MACROH2A1: variants seen among roughly 807,000 people sequenced by gnomAD.
MACROH2A1 encodes core histone macro-H2A.1.
MACROH2A1 carries 2 observed loss-of-function variants against 31.6 expected under a neutral mutation model. That is an observed-to-expected ratio of 0.06 (90% CI 0.03 to 0.20). MACROH2A1 has a LOEUF of 0.20. Among genes scored for constraint, MACROH2A1 ranks in the 10% least tolerant of loss-of-function variants. The pLI is 1.00. For missense variants in MACROH2A1, 230 were observed against 474.0 expected (o/e 0.49, Z 4.78); for synonymous variants, 169 against 189.6 (o/e 0.89, Z 0.89).
chr5:135,384,891 A>G (rs1766182196), intron 2 of MACROH2A1, among the ~76,000 whole-genome samples: 1 of 152,218 alleles, frequency 6.6e-6, no homozygotes, highest in Non-Finnish European at 1.5e-5. Flanking sequence ...CAACTCTGGC[A>G]CCAATGCCCA....
At chr5:135,387,208 G>C (rs1399597266) in intron 2 of MACROH2A1, among the ~76,000 whole-genome samples, 1 of 151,950 alleles carries the variant, frequency 6.6e-6, no homozygotes, top group Non-Finnish European at 1.5e-5. Context: ...CTAAGTTCTG[G>C]GCTTGTTTCC....
chr5:135,357,220 A>G (rs1048542143), intron 5 of MACROH2A1: 19 of 152,204 alleles, frequency 1.2e-4, no homozygotes, highest in Admixed American at 1.0e-3. Context: ...AGATAAGGAC[A>G]TGGATAGATA....
intron 1 of MACROH2A1, among the ~76,000 whole-genome samples, chr5:135,397,107 TAG>T (rs1244003293): frequency 6.6e-6 from 1 of 152,116 alleles, no homozygotes; most frequent in Non-Finnish European, 1.5e-5. Flanking sequence ...ACAACACATA[TAG>T]AGTCTTGTTG....
intron 8 of MACROH2A1, among the ~76,000 whole-genome samples, chr5:135,337,174 C>A (rs1438352319): frequency 6.6e-6 from 1 of 152,260 alleles, no homozygotes; most frequent in Non-Finnish European, 1.5e-5. Context: ...GGCTGAGGGC[C>A]TGTGGAGCTA....
rs1768306386 is a variant in MACROH2A1 at position 135,398,320 on chromosome 5, T to C, written c.-34+742A>G. 6.6e-6 allele frequency among the ~76,000 whole-genome samples: 1 copy of C among 151,734 alleles called. No individual in the cohort carries two copies. Among genetic ancestry groups the C allele is most frequent in the South Asian group, 2.1e-4 (1 of 4,770 alleles). The stretch of plus-strand genomic sequence containing the variant: ...GCGAGGCTCTTTCCTGCTGGCCTTC[T>C]CCACCCGGGGAAGCCTACAGCCTTC... On this transcript the variant is annotated intron_variant, in intron 1 of 8. Transcript: ENST00000511689. The surrounding 1 kb of genome is among the most constrained non-coding windows in gnomAD (Gnocchi z 4.6).
At chr5:135,335,409 G>C (rs1057166379) in intron 8 of MACROH2A1, among the ~76,000 whole-genome samples, 40 of 152,168 alleles carry the variant, frequency 2.6e-4, no homozygotes, top group African/African-American at 9.2e-4. Flanking sequence ...AAACAGAATA[G>C]TGTTTTGTGG....
intron 6 of MACROH2A1, chr5:135,350,666 A>G (rs1761414495): frequency 1.9e-6 from 1 of 533,222 alleles, no homozygotes; most frequent in East Asian, 3.0e-5. Flanking sequence ...AGCTAGCTTT[A>G]TTACTCAGGT....
intron 4 of MACROH2A1, among the ~76,000 whole-genome samples, chr5:135,363,134 G>A (rs901489876): frequency 2.6e-5 from 4 of 151,950 alleles, no homozygotes; most frequent in Non-Finnish European, 5.9e-5. Flanking sequence ...CTTTGTGGGG[G>A]GCCAAGGCAG....
intron 2 of MACROH2A1, among the ~76,000 whole-genome samples, chr5:135,383,755 T>C (rs1428089452): frequency 6.7e-6 from 1 of 148,194 alleles, no homozygotes; most frequent in Non-Finnish European, 1.5e-5. Context: ...GTTTTAATTT[T>C]AGGAAAACAG....
chr5:135,339,472 G>A (rs781702540), intron 8 of MACROH2A1, among the ~76,000 whole-genome samples: 2 of 152,202 alleles, frequency 1.3e-5, no homozygotes, highest in Admixed American at 6.5e-5. Context: ...ATCCAGGCTA[G>A]GAGCTCATTA....
At chr5:135,375,558 A>T (rs1217070721) in intron 2 of MACROH2A1, among the ~76,000 whole-genome samples, 1 of 152,228 alleles carries the variant, frequency 6.6e-6, no homozygotes, top group Non-Finnish European at 1.5e-5. Context: ...CATGGTTTGC[A>T]GAATTAGACT....
intron 8 of MACROH2A1, among the ~76,000 whole-genome samples, chr5:135,339,723 G>C (rs940521130): frequency 2.6e-5 from 4 of 152,188 alleles, no homozygotes; most frequent in African/African-American, 9.7e-5. Flanking sequence ...GGTTGAAGTT[G>C]CCCCAGCCAC....
intron 6 of MACROH2A1, among the ~76,000 whole-genome samples, chr5:135,349,649 G>T (rs1761277178): frequency 6.6e-6 from 1 of 152,136 alleles, no homozygotes; most frequent in East Asian, 1.9e-4. Context: ...TGAAAATCCT[G>T]ATCTCCTCAT....
intron 4 of MACROH2A1, 38 bp from the exon 5 acceptor site, chr5:135,360,645 G>C: frequency 7.2e-7 from 1 of 1,397,744 alleles, no homozygotes; most frequent in Non-Finnish European, 1.0e-6. Context: ...GGGCCACACA[G>C]ACACAGGCAT....
intron 2 of MACROH2A1, among the ~76,000 whole-genome samples, chr5:135,386,038 T>C (rs1766360121): frequency 1.3e-5 from 2 of 152,120 alleles, no homozygotes; most frequent in African/African-American, 4.8e-5. Flanking sequence ...CACACTTCCT[T>C]CTCACTCAAG....
intron 4 of MACROH2A1, among the ~76,000 whole-genome samples, chr5:135,368,691 C>T (rs1763818971): frequency 6.6e-6 from 1 of 152,206 alleles, no homozygotes; most frequent in Non-Finnish European, 1.5e-5. Flanking sequence ...GAAAATGTAT[C>T]CCAGTTGCCT....
At chr5:135,396,197 C>T (rs940577322) in intron 1 of MACROH2A1, among the ~76,000 whole-genome samples, 2 of 152,166 alleles carry the variant, frequency 1.3e-5, no homozygotes, top group Non-Finnish European at 2.9e-5. Flanking sequence ...AAGGTTGTGC[C>T]AAACTCTTAA....
At chr5:135,342,789 G>A (rs1760122693) in intron 8 of MACROH2A1, among the ~76,000 whole-genome samples, 2 of 152,212 alleles carry the variant, frequency 1.3e-5, no homozygotes, top group Admixed American at 6.5e-5. Context: ...GTTCTCAGGA[G>A]GTGAAATATA....
rs17168171 is a variant in MACROH2A1 at position 135,346,162 on chromosome 5, C to T, written c.689-105G>A. ...ATACTTCAAATGATCTATTAAATTT[C>T]CATCAGGCTGCAAAACAGGAACTAA... On this transcript the variant is annotated intron_variant, in intron 6 of 8. Coordinates refer to ENST00000511689, the MANE Select transcript of MACROH2A1 (RefSeq NM_138610.3). 8.2e-4 allele frequency: 626 copies of T among 764,144 alleles called. 3 individuals are homozygous for T. The African/African-American group carries it at 9.0e-3, about 11-fold the overall frequency. The allele number at this position is 764,144 out of a possible 1,614,324, so 47.3% of individuals were successfully genotyped here. A position where few individuals can be genotyped will look rare whatever the true frequency, so the allele number is the denominator to read the frequency against.
Sources: gnomAD v4.1 joint callset for allele counts (sites outside exome capture counted in the v4.1 genomes callset) on GRCh38, gnomAD v4.1.1 for gene constraint, Gnocchi (gnomAD v3.1) non-coding constraint, MANE v1.5 for transcripts, NCBI Gene and HGNC (gene_info 2026-07-23, HGNC 2026-07-21) for gene names.